The following MTUS2 variants were observed in gnomAD, a reference collection of about 807,000 sequenced individuals.
MTUS2 encodes the protein microtubule-associated tumor suppressor candidate 2.
In MTUS2, 40 loss-of-function variants were observed where a neutral mutation model predicts 114.1. The observed-to-expected ratio is 0.35, with a 90% CI of 0.27 to 0.46. The LOEUF (loss-of-function observed/expected upper bound fraction) is 0.46. Among genes scored for constraint, MTUS2 ranks in the 20% least tolerant of loss-of-function variants. The pLI, the probability that MTUS2 is intolerant of heterozygous loss-of-function variation, is 1.00. For synonymous variants in MTUS2, 688 were observed against 672.0 expected (o/e 1.02, Z -0.37); for missense variants, 1,679 against 1,705.4 (o/e 0.98, Z 0.27).
intron 8 of MTUS2, among the ~76,000 whole-genome samples, chr13:29,392,642 C>T (rs1873599551): frequency 6.6e-6 from 1 of 152,178 alleles, no homozygotes; most frequent in African/African-American, 2.4e-5. Context: ...TTAAATGCTC[C>T]TAGCTCAGCA....
Position 29,480,111 on chromosome 13 carries a change from G to A in MTUS2, c.3185-39G>A, listed in dbSNP as rs1205430624. 9.7e-6 allele frequency: 15 copies of A among 1,547,504 alleles called. No individual in the cohort carries two copies. The highest frequency in any genetic ancestry group is 4.9e-5 in the East Asian group (2 of 40,876). On this transcript the variant is annotated intron_variant, in intron 9 of 15. Coordinates refer to ENST00000612955, the MANE Select transcript of MTUS2 (RefSeq NM_001033602.4). This position sits in a 1 kb window ranked among gnomAD's most constrained non-coding sequence, Gnocchi z 4.4. ...GCTGAGTCCTTCCCATGCCTCCTAC[G>A]GCCATTTTTTAAAGAAAGATCTTGT...
intron 4 of MTUS2, among the ~76,000 whole-genome samples, chr13:29,055,870 T>C (rs1888111053): frequency 6.6e-6 from 1 of 152,148 alleles, no homozygotes; most frequent in South Asian, 2.1e-4. Flanking sequence ...GAAAAGTATC[T>C]GTTAATGTCT....
At chr13:28,866,335 C>G (rs946647307) in intron 2 of MTUS2, among the ~76,000 whole-genome samples, 2 of 152,140 alleles carry the variant, frequency 1.3e-5, no homozygotes, top group Non-Finnish European at 2.9e-5. Context: ...ATTCAGGTAT[C>G]AGAGCATCCT....
intron 5 of MTUS2, among the ~76,000 whole-genome samples, chr13:29,202,407 C>T (rs1271786259): frequency 2.0e-5 from 3 of 152,152 alleles, no homozygotes; most frequent in African/African-American, 7.2e-5. Flanking sequence ...CAATTCCTCT[C>T]ACCTTTTTTC....
At chr13:29,416,068 G>A (rs987226775) in intron 8 of MTUS2, among the ~76,000 whole-genome samples, 4 of 144,826 alleles carry the variant, frequency 2.8e-5, no homozygotes, top group African/African-American at 1.0e-4. Context: ...GGCACTCACC[G>A]CCACACCCCA....
intron 2 of MTUS2, among the ~76,000 whole-genome samples, chr13:28,904,212 C>T (rs1879833656): frequency 6.6e-6 from 1 of 152,026 alleles, no homozygotes; most frequent in African/African-American, 2.4e-5. Context: ...CTGTAGGTTG[C>T]CTGTTCACTC....
intron 2 of MTUS2, among the ~76,000 whole-genome samples, chr13:28,860,401 A>G (rs1184715472): frequency 2.0e-5 from 3 of 152,208 alleles, no homozygotes; most frequent in Non-Finnish European, 2.9e-5. Flanking sequence ...GTCAGGTACC[A>G]TCACCAGGCC....
chr13:28,976,039 G>T lies in MTUS2; in HGVS notation c.-242-48418G>T, dbSNP rs188751425. The stretch of plus-strand genomic sequence containing the variant: ...GAGGTGGTGGCAGAGCTGCCTTGGA[G>T]GCAAAAATATAAAAAATAGGCAGGT... On this transcript the variant is annotated intron_variant, in intron 2 of 15. Transcript: ENST00000612955. Among the ~76,000 whole-genome samples, 3 of 151,850 alleles carry T rather than the reference G, an allele frequency of 2.0e-5. No homozygotes were observed. The East Asian group carries it at 5.8e-4, about 30-fold the overall frequency.
intron 2 of MTUS2, among the ~76,000 whole-genome samples, chr13:28,953,218 A>G (rs1882896150): frequency 6.6e-6 from 1 of 151,840 alleles, no homozygotes; most frequent in African/African-American, 2.4e-5. Flanking sequence ...CTATCAACTA[A>G]GAGCTCTAGG....
chr13:28,855,452 G>A (rs765519228), intron 2 of MTUS2, among the ~76,000 whole-genome samples: 9 of 152,006 alleles, frequency 5.9e-5, no homozygotes, highest in Non-Finnish European at 7.4e-5. Flanking sequence ...AGGCCCCAGC[G>A]TGTGTCGTTC....
intron 5 of MTUS2, among the ~76,000 whole-genome samples, chr13:29,160,037 C>G (rs180891747): frequency 3.9e-5 from 6 of 152,320 alleles, no homozygotes; most frequent in African/African-American, 1.2e-4. Flanking sequence ...ACAAAAAATC[C>G]TATACACCAT....
chr13:29,325,597 A>AGAG (rs1900475616), intron 7 of MTUS2, among the ~76,000 whole-genome samples: 1 of 151,702 alleles, frequency 6.6e-6, no homozygotes, highest in Non-Finnish European at 1.5e-5. Context: ...AAGAAGAAGA[A>AGAG]GAAGAAATCC....
chr13:28,951,618 G>A (rs573018160), intron 2 of MTUS2, among the ~76,000 whole-genome samples: 45 of 152,236 alleles, frequency 3.0e-4, no homozygotes, highest in Non-Finnish European at 5.9e-4. Flanking sequence ...GGGCAACATG[G>A]TAAAACCCCA....
At chr13:29,043,056 G>A (rs1301069768) in intron 4 of MTUS2, among the ~76,000 whole-genome samples, 6 of 152,160 alleles carry the variant, frequency 3.9e-5, no homozygotes, top group Non-Finnish European at 8.8e-5. Context: ...TGTGACCTTA[G>A]ATTGTCTGTT....
intron 2 of MTUS2, among the ~76,000 whole-genome samples, chr13:28,877,294 G>A (rs564100620): frequency 6.6e-6 from 1 of 150,512 alleles, no homozygotes; most frequent in African/African-American, 2.4e-5. Context: ...CTCCAGCCTG[G>A]GCGACAGACT....
intron 6 of MTUS2, among the ~76,000 whole-genome samples, chr13:29,293,182 A>C (rs1898789691): frequency 1.3e-5 from 2 of 152,180 alleles, no homozygotes; most frequent in South Asian, 4.1e-4. Context: ...GAAGATGATA[A>C]ACTGATAGAA....
At chr13:29,283,445 G>A (rs1374644483) in intron 6 of MTUS2, among the ~76,000 whole-genome samples, 1 of 152,104 alleles carries the variant, frequency 6.6e-6, no homozygotes, top group Non-Finnish European at 1.5e-5. Context: ...ATATCACATG[G>A]CATTTGAATC....
At chr13:29,060,644 A>C (rs1231784849) in intron 4 of MTUS2, among the ~76,000 whole-genome samples, 1 of 151,088 alleles carries the variant, frequency 6.6e-6, no homozygotes, top group Non-Finnish European at 1.5e-5. Context: ...AGGCTTTAAA[A>C]ATCTAATCCT....
chr13:29,328,056 A>C (rs1336200515), intron 7 of MTUS2, among the ~76,000 whole-genome samples: 8 of 152,120 alleles, frequency 5.3e-5, no homozygotes, highest in Non-Finnish European at 1.0e-4. Context: ...TATCTATCCA[A>C]ATATTTTTCC....
Sources: allele counts gnomAD v4.1 joint callset (sites outside exome capture counted in the v4.1 genomes callset), GRCh38; gene constraint gnomAD v4.1.1; non-coding constraint Gnocchi (gnomAD v3.1); transcripts MANE v1.5; gene names NCBI Gene and HGNC (gene_info 2026-07-23, HGNC 2026-07-21).